Variants in CTNNBL1 observed in about 807,000 individuals in gnomAD.
CTNNBL1 encodes the protein catenin beta like 1.
In CTNNBL1, 31 loss-of-function variants were observed where a neutral mutation model predicts 72.7. The ratio of observed to expected loss-of-function variants is 0.43; its 90% CI spans 0.32 to 0.58. The LOEUF is 0.58. Among genes scored for constraint, CTNNBL1 ranks in the 20% least tolerant of loss-of-function variants. The pLI, the probability that CTNNBL1 is intolerant of heterozygous loss-of-function variation, is 0.08. For missense variants in CTNNBL1, 534 were observed against 725.1 expected (o/e 0.74, Z 3.03); for synonymous variants, 240 against 267.3 (o/e 0.90, Z 1.00).
At chr20:37,809,115 A>G (rs565972147) in intron 11 of CTNNBL1, among the ~76,000 whole-genome samples, 2 of 152,296 alleles carry the variant, frequency 1.3e-5, no homozygotes, top group African/African-American at 4.8e-5. Flanking sequence ...GTTACCACCA[A>G]GGTAGGAGAG....
At chr20:37,767,925 CA>C in intron 6 of CTNNBL1, 27 bp from the exon 7 acceptor site, 1 of 1,597,074 alleles carries the variant, frequency 6.3e-7, no homozygotes, top group South Asian at 1.1e-5. Context: ...GTTGTCCTCC[CA>C]AATGACTGGT....
At chr20:37,840,060 G>C in intron 11 of CTNNBL1, 42 bp from the exon 12 acceptor site, 3 of 1,445,370 alleles carry the variant, frequency 2.1e-6, no homozygotes, top group Non-Finnish European at 2.9e-6. Context: ...AATAATTACT[G>C]CTCTGATCTC....
intron 4 of CTNNBL1, among the ~76,000 whole-genome samples, chr20:37,747,373 C>A (rs2073275803): frequency 9.9e-6 from 1 of 101,236 alleles, no homozygotes. Context: ...AGTGGGACTC[C>A]ATCTCAAAAA....
chr20:37,797,880 G>A (rs982937395), intron 10 of CTNNBL1, among the ~76,000 whole-genome samples: 2 of 152,122 alleles, frequency 1.3e-5, no homozygotes, highest in African/African-American at 4.8e-5. Flanking sequence ...GCCTGTCTTT[G>A]CATGTGCTCT....
At chr20:37,796,584 G>T (rs1248075895) in intron 10 of CTNNBL1, among the ~76,000 whole-genome samples, 2 of 151,868 alleles carry the variant, frequency 1.3e-5, no homozygotes, top group Non-Finnish European at 2.9e-5. Flanking sequence ...ATTCCTGGTG[G>T]GTAGTAATGC....
intron 2 of CTNNBL1, among the ~76,000 whole-genome samples, chr20:37,735,142 A>G (rs1345394742): frequency 6.6e-6 from 1 of 152,214 alleles, no homozygotes; most frequent in African/African-American, 2.4e-5. Flanking sequence ...AGTTTTATGT[A>G]CATCCTTTCT....
At chr20:37,859,370 AAAG>A (rs903699611) in intron 13 of CTNNBL1, among the ~76,000 whole-genome samples, 2 of 151,886 alleles carry the variant, frequency 1.3e-5, no homozygotes, top group Non-Finnish European at 2.9e-5. Context: ...AAAAAAAAAA[AAAG>A]AAAAGAAAAT....
intron 11 of CTNNBL1, among the ~76,000 whole-genome samples, chr20:37,815,398 A>G (rs941654911): frequency 9.9e-5 from 15 of 150,774 alleles, no homozygotes; most frequent in African/African-American, 3.7e-4. Context: ...GCTCACTGCA[A>G]CCTCCGCCTC....
At chr20:37,779,372 G>C in intron 10 of CTNNBL1, 37 bp downstream of exon 10, 1 of 1,605,102 alleles carries the variant, frequency 6.2e-7, no homozygotes, top group Non-Finnish European at 8.5e-7. Flanking sequence ...CACCTTTTTT[G>C]CCTGACTTTT....
intron 5 of CTNNBL1, among the ~76,000 whole-genome samples, chr20:37,760,904 A>G (rs1445156234): frequency 2.6e-5 from 4 of 152,238 alleles, no homozygotes; most frequent in African/African-American, 4.8e-5. Flanking sequence ...AAATATTTCA[A>G]AAACATTTTG....
chr20:37,793,397 T>C (rs1300774353), intron 10 of CTNNBL1, among the ~76,000 whole-genome samples: 8 of 152,230 alleles, frequency 5.3e-5, no homozygotes, highest in Non-Finnish European at 7.3e-5. Flanking sequence ...CCTGGTAATG[T>C]TCTTTGATCT....
intron 11 of CTNNBL1, among the ~76,000 whole-genome samples, chr20:37,833,262 C>T (rs1275239496): frequency 6.6e-6 from 1 of 152,174 alleles, no homozygotes; most frequent in Admixed American, 6.5e-5. Context: ...AAACTTTTAG[C>T]CCTCTCACAT....
At chr20:37,836,150 T>C (rs1050746972) in intron 11 of CTNNBL1, among the ~76,000 whole-genome samples, 1 of 152,196 alleles carries the variant, frequency 6.6e-6, no homozygotes, top group Non-Finnish European at 1.5e-5. Context: ...TGTGGTTGTG[T>C]GTAAATTCAT....
At chr20:37,822,828 T>C (rs1388238342) in intron 11 of CTNNBL1, among the ~76,000 whole-genome samples, 1 of 151,952 alleles carries the variant, frequency 6.6e-6, no homozygotes, top group Admixed American at 6.6e-5. Flanking sequence ...TGAGAAAGAG[T>C]ATATGAAGCA....
intron 11 of CTNNBL1, among the ~76,000 whole-genome samples, chr20:37,805,714 G>A (rs2071954074): frequency 6.6e-6 from 1 of 152,052 alleles, no homozygotes; most frequent in Admixed American, 6.5e-5. Context: ...TAGTTTTGAT[G>A]TCTCTTTCTC....
intron 11 of CTNNBL1, among the ~76,000 whole-genome samples, chr20:37,818,953 C>A (rs916104513): frequency 6.6e-6 from 1 of 151,986 alleles, no homozygotes; most frequent in East Asian, 1.9e-4. Context: ...TGTTCTTTTC[C>A]TTTTTTAGGC....
At chr20:37,750,008 G>C (rs1419326912) in intron 4 of CTNNBL1, 1 of 152,124 alleles carries the variant, frequency 6.6e-6, no homozygotes, top group Non-Finnish European at 1.5e-5. Flanking sequence ...TATATGGCTG[G>C]TTATGTTCCC....
intron 3 of CTNNBL1, among the ~76,000 whole-genome samples, chr20:37,744,892 G>A (rs536181392): frequency 4.6e-5 from 7 of 152,158 alleles, no homozygotes; most frequent in Admixed American, 2.6e-4. Context: ...GTATTGAAGC[G>A]GTTGGTCAAA....
At chr20:37,738,923 T>C (rs2073191676) in intron 3 of CTNNBL1, among the ~76,000 whole-genome samples, 2 of 152,174 alleles carry the variant, frequency 1.3e-5, no homozygotes, top group Non-Finnish European at 2.9e-5. Context: ...GTCCCTGTGC[T>C]GTGGATGAGA....
Sources: gnomAD v4.1 joint callset for allele counts (sites outside exome capture counted in the v4.1 genomes callset) on GRCh38, gnomAD v4.1.1 for gene constraint, MANE v1.5 for transcripts, NCBI Gene and HGNC (gene_info 2026-07-23, HGNC 2026-07-21) for gene names.